PDXK: variants seen among roughly 807,000 people sequenced by gnomAD.
PDXK encodes epididymis secretory sperm binding protein Li 1a.
In PDXK, 15 loss-of-function variants were observed where a neutral mutation model predicts 43.2. The ratio of observed to expected loss-of-function variants is 0.35; its 90% confidence interval spans 0.23 to 0.53. The LOEUF is 0.53. Ranked by LOEUF, PDXK falls within the 20% of genes least tolerant of loss-of-function variation. The pLI, the probability that PDXK is intolerant of heterozygous loss-of-function variation, is 0.92. For missense variants in PDXK, 343 were observed against 417.0 expected (o/e 0.82, Z 1.54); for synonymous variants, 172 against 165.4 (o/e 1.04, Z -0.31).
intron 9 of PDXK, 119 bp downstream of exon 9, chr21:43,753,838 G>A: frequency 8.3e-7 from 1 of 1,205,208 alleles, no homozygotes; most frequent in South Asian, 1.6e-5. Flanking sequence ...CCTGAGTGCT[G>A]GCCCCAGTTG....
At chr21:43,738,057 A>G (rs2083434280) in intron 2 of PDXK, 3 of 984,832 alleles carry the variant, frequency 3.0e-6, no homozygotes, top group East Asian at 1.1e-4. Flanking sequence ...CCCCTTCCTC[A>G]TGGCTGTTAT....
In PDXK at chr21:43,756,149, C is replaced by A; in HGVS notation, c.*86C>A. ...AAACATGTAACGTCTGCCTTAGAGC[C>A]ATGACCGAAACTTGATATTTTTTTC... On this transcript the variant is annotated 3_prime_UTR_variant, in exon 11 of 11. Transcript: ENST00000291565. 1 of 743,482 alleles carries A rather than the reference C, an allele frequency of 1.3e-6. No homozygotes were observed. Among genetic ancestry groups the A allele is most frequent in the Middle Eastern group, 3.0e-4 (1 of 3,306 alleles). The allele number at this position is 743,482 out of a possible 1,614,324, so 46.1% of individuals were successfully genotyped here.
intron 6 of PDXK, among the ~76,000 whole-genome samples, chr21:43,749,426 A>G (rs1367437607): frequency 6.6e-6 from 1 of 152,216 alleles, no homozygotes; most frequent in Admixed American, 6.5e-5. Context: ...TTTAAATGGC[A>G]AATGCTACCA....
intron 1 of PDXK, among the ~76,000 whole-genome samples, chr21:43,730,764 G>A (rs2083307781): frequency 6.6e-6 from 1 of 152,052 alleles, no homozygotes. Context: ...GACTAGCCTG[G>A]ACAACATAGT....
At chr21:43,727,649 C>T (rs1423766302) in intron 1 of PDXK, among the ~76,000 whole-genome samples, 1 of 152,210 alleles carries the variant, frequency 6.6e-6, no homozygotes, top group Non-Finnish European at 1.5e-5. Flanking sequence ...TTGGCTGACC[C>T]CAAGGGCCAG....
Position 43,759,367 on chromosome 21 carries a change from A to G in PDXK, c.*3304A>G, listed in dbSNP as rs1439139821. 1 of 153,678 alleles carries G rather than the reference A, an allele frequency of 6.5e-6. No individual in the cohort carries two copies. Among genetic ancestry groups the G allele is most frequent in the East Asian group, 1.9e-4 (1 of 5,180 alleles). 9.5% of individuals were successfully genotyped at this position (153,678 alleles called of 1,614,324 possible). A position where few individuals can be genotyped will look rare whatever the true frequency, so the allele number is the denominator to read the frequency against. On this transcript the variant is annotated 3_prime_UTR_variant, in exon 11 of 11. Coordinates refer to ENST00000291565, the MANE Select transcript of PDXK (RefSeq NM_003681.5). The stretch of plus-strand genomic sequence containing the variant: ...GCCTCATTCTCTCTTTAGTTTAACT[A>G]TGCAAAGAGAGGAGGTTGAGAGTGT...
At chr21:43,729,787 A>G (rs1213990565) in intron 1 of PDXK, among the ~76,000 whole-genome samples, 1 of 152,134 alleles carries the variant, frequency 6.6e-6, no homozygotes, top group Admixed American at 6.5e-5. Context: ...AAAATAAAAC[A>G]TAAAAAATTA....
rs189624556 is a variant in PDXK at position 43,732,815 on chromosome 21, A to G, written c.88-1254A>G. 7.0e-4 allele frequency among the ~76,000 whole-genome samples: 106 copies of G among 152,242 alleles called. 1 individual carries two copies. Among genetic ancestry groups the G allele is most frequent in the African/African-American group, 2.4e-3 (101 of 41,538 alleles). On this transcript the variant is annotated intron_variant, in intron 1 of 10. Transcript: ENST00000291565. The surrounding 1 kb of genome is among the most constrained non-coding windows in gnomAD (Gnocchi z 4.1). ...CAGGCTAGAGTGCAGTGGTGCCATC[A>G]GGGCTCACTGCAGCCTCCACCTCCT...
intron 8 of PDXK, 135 bp downstream of exon 8, chr21:43,752,764 T>A (rs1454138649): frequency 8.1e-6 from 5 of 618,852 alleles, no homozygotes; most frequent in Admixed American, 2.5e-5. Flanking sequence ...CACCCCCATT[T>A]TACAGACTCT....
chr21:43,744,172 G>A (rs562716453), intron 4 of PDXK, among the ~76,000 whole-genome samples: 1 of 151,872 alleles, frequency 6.6e-6, no homozygotes, highest in African/African-American at 2.4e-5. Context: ...GCAGGGCCAG[G>A]CTAGGGAGTG....
rs1568993218 is a variant in PDXK at position 43,753,561 on chromosome 21, C to T, written c.623-22C>T. The T allele has an allele frequency of 5.6e-6, 9 of 1,599,716 alleles. No individual in the cohort carries two copies. The East Asian group carries it at 1.1e-4, about 20-fold the overall frequency. On this transcript the variant is annotated intron_variant, in intron 8 of 10. Coordinates refer to ENST00000291565, the MANE Select transcript of PDXK (RefSeq NM_003681.5). ...CAGAGGAGCGGCAGATCTCAGTGACCTTGCCCATCTTCTCCCCCTAGGGAA... is the reference window on the plus strand; with the variant it reads ...CAGAGGAGCGGCAGATCTCAGTGACTTTGCCCATCTTCTCCCCCTAGGGAA...
rs1391248212 is a variant in PDXK, at chr21:43,732,733, ATTTTATT to A, written c.88-1325_88-1319del. 5 of 699,900 alleles carry A rather than the reference ATTTTATT, an allele frequency of 7.1e-6. No homozygotes were observed. Among genetic ancestry groups the A allele is most frequent in the African/African-American group, 1.8e-5 (1 of 55,952 alleles). The allele number at this position is 699,900 out of a possible 1,614,324, so 43.4% of individuals were successfully genotyped here. ...GGGCTGGTACATTTGCAAAGTGCCCATTTTATTTTTTATTTTTATTTTTATGTTTTTT... is the reference window on the plus strand; with the variant it reads ...GGGCTGGTACATTTGCAAAGTGCCCATTTTATTTTTATTTTTATGTTTTTT... On this transcript the variant is annotated intron_variant, in intron 1 of 10. Coordinates refer to ENST00000291565, the MANE Select transcript of PDXK (RefSeq NM_003681.5). The surrounding 1 kb of genome is among the most constrained non-coding windows in gnomAD (Gnocchi z 4.1).
rs537669020 is a variant in PDXK at position 43,754,937 on chromosome 21, C to T, written c.760-761C>T. Among the ~76,000 whole-genome samples the T allele has an allele frequency of 6.6e-6, 1 of 152,128 alleles. No homozygotes were observed. The highest frequency in any genetic ancestry group is 6.5e-5 in the Admixed American group (1 of 15,272). Reference sequence around the variant, plus strand: ...TCCCATGGGACTAGCCCTCTGCACACCCTGAGCTGGAATGCACAGCCCCCT... The same window carrying T: ...TCCCATGGGACTAGCCCTCTGCACATCCTGAGCTGGAATGCACAGCCCCCT... On this transcript the variant is annotated intron_variant, in intron 9 of 10. Transcript: ENST00000291565. This position sits in a 1 kb window ranked among gnomAD's most constrained non-coding sequence, Gnocchi z 5.5.
In PDXK at chr21:43,723,130, C is replaced by A. The variant is rs1031140095; in HGVS notation, c.87+3749C>A. Among the ~76,000 whole-genome samples the A allele has an allele frequency of 6.6e-6, 1 of 151,582 alleles. No individual in the cohort carries two copies. The highest frequency in any genetic ancestry group is 2.4e-5 in the African/African-American group (1 of 41,212). On this transcript the variant is annotated intron_variant, in intron 1 of 10. Coordinates refer to ENST00000291565, the MANE Select transcript of PDXK (RefSeq NM_003681.5). The surrounding 1 kb of genome is among the most constrained non-coding windows in gnomAD (Gnocchi z 4.1). ...TGGGATTACAGGCATGGGGCCACCA[C>A]GCCTGGCCTTCTTTTTCTTTTTCTT...
In PDXK at chr21:43,743,751, C is replaced by T. The variant is rs1457588530; in HGVS notation, c.275C>T (p.Ala92Val). The T allele has an allele frequency of 6.2e-7, 1 of 1,613,502 alleles. No individual in the cohort carries two copies. The highest frequency in any genetic ancestry group is 2.2e-5 in the East Asian group (1 of 44,882). The change falls in exon 4 of 11, where the codon GCC (alanine) becomes GTC (valine). Residue 92 changes from alanine to valine, a missense_variant. Coordinates refer to ENST00000291565, the MANE Select transcript of PDXK (RefSeq NM_003681.5). ...TATACGAGGGACAAGTCGTTCCTGG[C>T]CATGGTGGTGGACATTGTGCAGGAG... ...TGYTRDKSFL[A>V]MVVDIVQELK...
chr21:43,749,198 G>T (rs1479875206), intron 6 of PDXK, 118 bp downstream of exon 6: 2 of 552,068 alleles, frequency 3.6e-6, no homozygotes, highest in Non-Finnish European at 6.3e-6. Context: ...TCTGTCTCCG[G>T]GGTTCAAGCA....
At chr21:43,740,761 CCT>C (rs2083485247) in intron 2 of PDXK, among the ~76,000 whole-genome samples, 1 of 151,854 alleles carries the variant, frequency 6.6e-6, no homozygotes, top group African/African-American at 2.4e-5. Context: ...TGGGCTGAGG[CCT>C]CTTTCTCATT....
intron 2 of PDXK, among the ~76,000 whole-genome samples, chr21:43,740,656 C>T (rs547713938): frequency 7.2e-5 from 11 of 151,924 alleles, no homozygotes; most frequent in African/African-American, 2.4e-4. Flanking sequence ...TGCAGGAAGC[C>T]GACGCGTCTG....
chr21:43,750,459 G>A, intron 6 of PDXK, 41 bp from the exon 7 acceptor site: 2 of 1,568,390 alleles, frequency 1.3e-6, no homozygotes, highest in Non-Finnish European at 1.7e-6. Flanking sequence ...GAGAGGAGAG[G>A]CTCACCTGTC....
Sources: allele counts gnomAD v4.1 joint callset (sites outside exome capture counted in the v4.1 genomes callset), GRCh38; gene constraint gnomAD v4.1.1; non-coding constraint Gnocchi (gnomAD v3.1); transcripts MANE v1.5; gene names NCBI Gene and HGNC (gene_info 2026-07-23, HGNC 2026-07-21).